GAD1: variants seen among roughly 807,000 people sequenced by gnomAD.
GAD1 encodes the protein 67 kDa glutamic acid decarboxylase.
Under a neutral mutation model 75.2 loss-of-function variants are expected in GAD1, and 35 were observed. The ratio of observed to expected loss-of-function variants is 0.47; its 90% CI spans 0.36 to 0.62. The LOEUF (loss-of-function observed/expected upper bound fraction) is 0.62, where lower values mean the gene tolerates loss of function less well. GAD1 is among the 20% of genes least tolerant of loss of function. The pLI is 0.00. For synonymous variants in GAD1, 257 were observed against 271.9 expected (o/e 0.95, Z 0.54); for missense variants, 490 against 758.5 (o/e 0.65, Z 4.16).
intron 8 of GAD1, 28 bp downstream of exon 8, chr2:170,845,649 A>G (rs374632004): frequency 7.4e-6 from 12 of 1,612,186 alleles, no homozygotes; most frequent in Non-Finnish European, 9.3e-6. Context: ...TCTCATGGAT[A>G]GTGGTGTTTT....
intron 3 of GAD1, chr2:170,828,865 T>C: frequency 5.1e-6 from 1 of 196,956 alleles, no homozygotes; most frequent in Non-Finnish European, 1.0e-5. Flanking sequence ...TTCCTCCCTC[T>C]GCGGTCCTTG....
chr2:170,849,255 C>A lies in GAD1; in HGVS notation c.1120-31C>A, dbSNP rs1047884979. The stretch of plus-strand genomic sequence containing the variant: ...TTTAGATTCTTAAATGTCACTGCTC[C>A]CCTCTTCCTCTCCTTTCTCTGTCCC... On this transcript the variant is annotated intron_variant, in intron 11 of 16. Coordinates refer to ENST00000358196, the MANE Select transcript of GAD1 (RefSeq NM_000817.3). 8.1e-6 allele frequency: 13 copies of A among 1,599,574 alleles called. 2 individuals carry two copies. Among genetic ancestry groups the A allele is most frequent in the East Asian group, 2.2e-5 (1 of 44,798 alleles).
At chr2:170,839,613 C>CAAAA (rs201762496) in intron 6 of GAD1, among the ~76,000 whole-genome samples, 3 of 101,844 alleles carry the variant, frequency 2.9e-5, no homozygotes, top group South Asian at 6.3e-4. Context: ...GACTCCATCT[C>CAAAA]AAAAAAAAAA....
Position 170,830,969 on chromosome 2 carries a change from C to T in GAD1, c.324C>T (p.Asn108=), listed in dbSNP as rs568132758. Residue 108 remains asparagine, a synonymous_variant, in exon 5 of 17, where the codon AAC becomes AAT. Coordinates refer to ENST00000358196, the MANE Select transcript of GAD1 (RefSeq NM_000817.3). ...ATTCAGATCTGCTTCCGGCTAAGAA[C>T]GGTGAGGAGCAAACCGTGCAATTCC... The part of the protein sequence containing the change: ...LFARDLLPAK[N]GEEQTVQFLL... The T allele has an allele frequency of 1.5e-5, 24 of 1,614,162 alleles. No homozygotes were observed. Among genetic ancestry groups the T allele is most frequent in the Middle Eastern group, 3.3e-4 (2 of 6,062 alleles).
chr2:170,824,632 A>G (rs1701981615), intron 3 of GAD1, among the ~76,000 whole-genome samples: 1 of 151,906 alleles, frequency 6.6e-6, no homozygotes, highest in Admixed American at 6.6e-5. Context: ...CTTCCCCAAA[A>G]TCCACAGAAT....
intron 12 of GAD1, among the ~76,000 whole-genome samples, chr2:170,852,196 G>C (rs182492077): frequency 6.6e-6 from 1 of 152,124 alleles, no homozygotes; most frequent in Non-Finnish European, 1.5e-5. Flanking sequence ...CTAAAACAGA[G>C]GTAATAATAG....
chr2:170,828,161 T>C (rs1702077180), intron 3 of GAD1, among the ~76,000 whole-genome samples: 48 of 115,606 alleles, frequency 4.2e-4, no homozygotes, highest in African/African-American at 1.4e-3. Flanking sequence ...CTCCTCCCTC[T>C]GCTGTCCTCG....
At chr2:170,844,407 CTTTTT>C (rs11327360) in intron 7 of GAD1, among the ~76,000 whole-genome samples, 2 of 124,506 alleles carry the variant, frequency 1.6e-5, no homozygotes, top group Admixed American at 8.6e-5. Context: ...TTTCTTTTTT[CTTTTT>C]TTTTTTTTTT....
Position 170,836,897 on chromosome 2 carries a change from G to GT in GAD1, c.638+18dup, listed in dbSNP as rs370357657. 2 of 1,591,212 alleles carry GT rather than the reference G, an allele frequency of 1.3e-6. No homozygotes were observed. Among genetic ancestry groups the GT allele is most frequent in the African/African-American group, 1.3e-5 (1 of 74,566 alleles). On this transcript the variant is annotated intron_variant, in intron 6 of 16. Coordinates refer to ENST00000358196, the MANE Select transcript of GAD1 (RefSeq NM_000817.3). ...CAATACCAACATGTAAGTCTCATAT[G>GT]TTTTCATATAAGCAACCCTGATGTA...
At chr2:170,834,011 AAAG>A (rs1702305523) in intron 5 of GAD1, among the ~76,000 whole-genome samples, 2 of 151,896 alleles carry the variant, frequency 1.3e-5, no homozygotes, top group East Asian at 1.9e-4. Flanking sequence ...AAAAAAAAAA[AAAG>A]AGAGAGAGAG....
chr2:170,846,745 C>T (rs1477419085), intron 10 of GAD1, among the ~76,000 whole-genome samples: 1 of 152,218 alleles, frequency 6.6e-6, no homozygotes, highest in Non-Finnish European at 1.5e-5. Flanking sequence ...GGGGCTCGCA[C>T]CTGTAATCCC....
At chr2:170,849,459 C>A in intron 12 of GAD1, 109 bp downstream of exon 12, 2 of 1,042,326 alleles carry the variant, frequency 1.9e-6, no homozygotes, top group South Asian at 1.3e-5. Context: ...ATATTTCGGT[C>A]TAAGTTTGCT....
At chr2:170,828,550 C>G (rs1202668865) in intron 3 of GAD1, among the ~76,000 whole-genome samples, 2 of 141,978 alleles carry the variant, frequency 1.4e-5, no homozygotes, top group African/African-American at 2.7e-5. Flanking sequence ...TGTCCTCACC[C>G]TCCTACCTCT....
chr2:170,840,738 T>C (rs62169990), intron 6 of GAD1, among the ~76,000 whole-genome samples: 1 of 151,192 alleles, frequency 6.6e-6, no homozygotes, highest in Non-Finnish European at 1.5e-5. Context: ...AAAAAAACCT[T>C]CTCAGAGGTC....
intron 3 of GAD1, among the ~76,000 whole-genome samples, chr2:170,827,026 G>A (rs1336065123): frequency 2.0e-5 from 3 of 152,176 alleles, no homozygotes; most frequent in Non-Finnish European, 4.4e-5. Flanking sequence ...CTATTATAGT[G>A]TATTTCCCCC....
chr2:170,825,697 C>G (rs959977718), intron 3 of GAD1, among the ~76,000 whole-genome samples: 7 of 152,222 alleles, frequency 4.6e-5, no homozygotes, highest in East Asian at 1.9e-4. Flanking sequence ...GAGCTCCCCT[C>G]AGCTCAGAGG....
At chr2:170,844,245 A>T in intron 7 of GAD1, 88 bp downstream of exon 7, 1 of 820,122 alleles carries the variant, frequency 1.2e-6, no homozygotes. Context: ...ATAATGCCTT[A>T]ACATTTTTTT....
At chr2:170,822,262 C>A in intron 3 of GAD1, 113 bp downstream of exon 3, 2 of 911,690 alleles carry the variant, frequency 2.2e-6, no homozygotes, top group South Asian at 2.8e-5. Flanking sequence ...GTCTGATTTT[C>A]TAATGTAATT....
At chr2:170,828,431 CCTCCTCTTCCCTCCGCGGTCCTCGCTG>C in intron 3 of GAD1, among the ~76,000 whole-genome samples, 1 of 144,942 alleles carries the variant, frequency 6.9e-6, no homozygotes, top group Middle Eastern at 3.9e-3. Context: ...TGTCCTCACC[CCTCCTCTTCCCTCCGCGGTCCTCGCTG>C]TCCTCCCTCT....
Sources: gnomAD v4.1 joint callset for allele counts (sites outside exome capture counted in the v4.1 genomes callset) on GRCh38, gnomAD v4.1.1 for gene constraint, MANE v1.5 for transcripts, NCBI Gene and HGNC (gene_info 2026-07-23, HGNC 2026-07-21) for gene names.